Variants in SRGAP2 observed in about 807,000 individuals in gnomAD.
SRGAP2 encodes the protein SLIT-ROBO Rho GTPase activating protein 2, also known as SLIT-ROBO Rho GTPase-activating protein 2.
Under a neutral mutation model 57.2 loss-of-function variants are expected in SRGAP2, and 15 were observed. The ratio of observed to expected loss-of-function variants is 0.26; its 90% CI spans 0.18 to 0.40. The LOEUF (loss-of-function observed/expected upper bound fraction) is 0.40, where lower values mean the gene tolerates loss of function less well. Among genes scored for constraint, SRGAP2 ranks in the 10% least tolerant of loss-of-function variants. The probability of loss-of-function intolerance (pLI) is 1.00; values close to 1 mark genes in which losing one functional copy is unlikely to be tolerated. For missense variants in SRGAP2, 520 were observed against 669.6 expected (o/e 0.78, Z 2.47); for synonymous variants, 249 against 248.0 (o/e 1.00, Z -0.04).
At chr1:206,359,871 A>T (rs1405653795) in intron 4 of SRGAP2, among the ~76,000 whole-genome samples, 1 of 110,990 alleles carries the variant, frequency 9.0e-6, no homozygotes, top group Non-Finnish European at 1.6e-5. Flanking sequence ...CAGTGGCGGG[A>T]TCTCGGCTCA....
At chr1:206,333,109 G>T (rs1483309215) in intron 3 of SRGAP2, among the ~76,000 whole-genome samples, 3 of 144,128 alleles carry the variant, frequency 2.1e-5, no homozygotes, top group African/African-American at 7.7e-5. Context: ...GTGCCTCCCA[G>T]TTAGGCTGCT....
At chr1:206,437,629 C>T (rs544808804) in intron 15 of SRGAP2, 28 of 222,402 alleles carry the variant, frequency 1.3e-4, no homozygotes, top group Admixed American at 1.1e-3. Context: ...TTTTTCTCCC[C>T]GCAGGGGCTC....
At chr1:206,445,146 A>G (rs1662644826) in intron 17 of SRGAP2, among the ~76,000 whole-genome samples, 1 of 152,210 alleles carries the variant, frequency 6.6e-6, no homozygotes, top group African/African-American at 2.4e-5. Flanking sequence ...CCATGCCTAT[A>G]AGGGAGACTC....
chr1:206,409,692 G>A (rs1553358713), intron 10 of SRGAP2, among the ~76,000 whole-genome samples: 1 of 151,752 alleles, frequency 6.6e-6, no homozygotes, highest in East Asian at 1.9e-4. Flanking sequence ...TAAGGTGGGA[G>A]GATTACTTGA....
intron 2 of SRGAP2, among the ~76,000 whole-genome samples, chr1:206,244,868 C>T (rs1265670459): frequency 6.6e-6 from 1 of 151,440 alleles, no homozygotes; most frequent in African/African-American, 2.4e-5. Context: ...TTCACCACCT[C>T]TCCTGATTTG....
chr1:206,456,760 G>C (rs999609014), intron 21 of SRGAP2, among the ~76,000 whole-genome samples: 1 of 152,042 alleles, frequency 6.6e-6, no homozygotes, highest in African/African-American at 2.4e-5. Flanking sequence ...GGCATGTCTG[G>C]CCCTTAGAAG....
intron 4 of SRGAP2, among the ~76,000 whole-genome samples, chr1:206,377,134 T>C (rs562582823): frequency 1.3e-5 from 2 of 152,320 alleles, no homozygotes; most frequent in Admixed American, 1.3e-4. Flanking sequence ...GTTTTTCAGA[T>C]AATTAAACAG....
chr1:206,254,529 A>C (rs1669066496), intron 2 of SRGAP2, among the ~76,000 whole-genome samples: 1 of 146,250 alleles, frequency 6.8e-6, no homozygotes, highest in African/African-American at 2.6e-5. Context: ...TTAGATGCTC[A>C]TATTGTCTCA....
intron 2 of SRGAP2, among the ~76,000 whole-genome samples, chr1:206,262,199 G>GT (rs1669596022): frequency 6.8e-6 from 1 of 146,614 alleles, no homozygotes; most frequent in African/African-American, 2.5e-5. Context: ...AAGATTCTGT[G>GT]TTCAAATCCT....
chr1:206,461,616 C>A lies in SRGAP2; in HGVS notation c.*196C>A. ...GCCTCTCCCTTCCCACTGCCCTCTG[C>A]TTCCCCCAGTCGTCGTAATTCAGCC... On this transcript the variant is annotated 3_prime_UTR_variant, in exon 23 of 23. Coordinates refer to ENST00000573034, the MANE Select transcript of SRGAP2 (RefSeq NM_015326.5). The A allele has an allele frequency of 1.7e-6, 1 of 578,498 alleles. No homozygotes were observed. The allele number at this position is 578,498 out of a possible 1,614,324, so 35.8% of individuals were successfully genotyped here.
chr1:206,310,222 G>A (rs1488154007), intron 3 of SRGAP2, among the ~76,000 whole-genome samples: 3 of 151,420 alleles, frequency 2.0e-5, no homozygotes, highest in African/African-American at 4.9e-5. Context: ...TGGTAGAAGA[G>A]GAGATAGAAC....
intron 5 of SRGAP2, among the ~76,000 whole-genome samples, chr1:206,389,550 G>C (rs1380209861): frequency 6.6e-6 from 1 of 151,808 alleles, no homozygotes; most frequent in Non-Finnish European, 1.5e-5. Context: ...TTCTCTTCGG[G>C]CTTCTGTGAT....
chr1:206,440,651 G>T (rs149094451), intron 17 of SRGAP2, among the ~76,000 whole-genome samples: 1,875 of 152,016 alleles, frequency 0.012, 22 homozygotes, highest in South Asian at 0.026. Flanking sequence ...AGGTTCAAGC[G>T]ATTCTCCTGC....
At chr1:206,221,403 C>T (rs540672763) in intron 2 of SRGAP2, among the ~76,000 whole-genome samples, 7 of 150,980 alleles carry the variant, frequency 4.6e-5, no homozygotes, top group East Asian at 1.9e-4. Context: ...TTTTTTTTTC[C>T]GGTTCTGGAG....
At chr1:206,280,978 T>C (rs1379035704) in intron 2 of SRGAP2, among the ~76,000 whole-genome samples, 2 of 152,222 alleles carry the variant, frequency 1.3e-5, no homozygotes, top group Non-Finnish European at 2.9e-5. Flanking sequence ...TCTGAGGCTT[T>C]GTTGGAATCC....
In SRGAP2 at chr1:206,461,192, G is replaced by A; in HGVS notation, c.2988G>A (p.Leu996=). 1.3e-6 allele frequency: 1 copy of A among 780,528 alleles called. No individual in the cohort carries two copies. The highest frequency in any genetic ancestry group is 2.4e-6 in the Non-Finnish European group (1 of 417,844). 48.4% of individuals were successfully genotyped at this position (780,528 alleles called of 1,614,324 possible). ...VAPTSEPSSP[L]HTQLLKDPEP... ...CCACGTCAGAGCCCTCCAGCCCTCT[G>A]CACACCCAGCTCCTCAAGGACCCCG... The change falls in exon 23 of 23, where the codon CTG becomes CTA. Residue 996 remains leucine (L), a synonymous_variant. Coordinates refer to ENST00000573034, the MANE Select transcript of SRGAP2 (RefSeq NM_015326.5).
intron 18 of SRGAP2, among the ~76,000 whole-genome samples, chr1:206,446,808 T>G (rs371220574): frequency 2.0e-5 from 3 of 152,284 alleles, no homozygotes. Context: ...GTAAGCCTTG[T>G]TTTTGGCAGG....
intron 2 of SRGAP2, among the ~76,000 whole-genome samples, chr1:206,280,118 T>C (rs1670647554): frequency 6.6e-6 from 1 of 152,024 alleles, no homozygotes; most frequent in African/African-American, 2.4e-5. Flanking sequence ...ATTTTGTATT[T>C]TTTTTTCCTC....
Position 206,461,687 on chromosome 1 carries a change from A to G in SRGAP2, c.*267A>G, listed in dbSNP as rs781973271. 2.0e-5 allele frequency: 8 copies of G among 392,850 alleles called. No homozygotes were observed. The highest frequency in any genetic ancestry group is 3.7e-5 in the Non-Finnish European group (8 of 218,500). The allele number at this position is 392,850 out of a possible 1,614,324, so 24.3% of individuals were successfully genotyped here. On this transcript the variant is annotated 3_prime_UTR_variant, in exon 23 of 23. Transcript: ENST00000573034. ...TTAGGTTAGCCAGAGACAGGTTTTC[A>G]TTATCAGGTCACTGTGAAATCTGGT...
Sources: allele counts gnomAD v4.1 joint callset (sites outside exome capture counted in the v4.1 genomes callset), GRCh38; gene constraint gnomAD v4.1.1; transcripts MANE v1.5; gene names NCBI Gene and HGNC (gene_info 2026-07-23, HGNC 2026-07-21).